The following MUC12 variants were observed in gnomAD, a reference collection of about 807,000 sequenced individuals.
MUC12 encodes the protein mucin 12, cell surface associated.
A neutral mutation model predicts 230.8 loss-of-function variants in MUC12; 172 were observed. That is an observed-to-expected ratio of 0.75 (90% CI 0.66 to 0.85). The LOEUF (loss-of-function observed/expected upper bound fraction) is 0.85. MUC12 is among the 40% of genes least tolerant of loss of function. The pLI is 0.00. For missense variants in MUC12, 3,506 were observed against 5,920.6 expected (o/e 0.59, Z 13.38); for synonymous variants, 1,259 against 2,401.9 (o/e 0.52, Z 13.91).
At position 100,992,850 on chromosome 7, in the gene MUC12, C is replaced by G; in HGVS notation, c.2287C>G (p.Arg763Gly). The change falls in exon 2 of 12, where the codon CGT becomes GGT. Residue 763 changes from arginine (R) to glycine (G), a missense_variant. Transcript: ENST00000536621. ...CCCTGACAGCTCCACAACCTCAGGC[C>G]GTAGTGAGGAATCAACAGCATCGCA... ...HFPDSSTTSG[R>G]SEESTASHSS... The G allele has an allele frequency of 6.5e-7, 1 of 1,537,676 alleles. No homozygotes were observed. Among genetic ancestry groups the G allele is most frequent in the South Asian group, 1.2e-5 (1 of 84,056 alleles).
Position 101,012,876 on chromosome 7 carries a change from G to GATTTGA in MUC12, c.15461_15462insATTTGA (p.Asp5156_Phe5157dup). ...TTCGTGGATTCATCGGTGACTCCGG[G>GATTTGA]CTTTGACTTCCAGGGTAAGCGACTA... On this transcript the variant is annotated inframe_insertion, in exon 7 of 12. Transcript: ENST00000536621. The GATTTGA allele has an allele frequency of 6.5e-7, 1 of 1,537,274 alleles. No homozygotes were observed. The highest frequency in any genetic ancestry group is 8.7e-7 in the Non-Finnish European group (1 of 1,146,920).
chr7:101,012,289 C>T lies in MUC12; in HGVS notation c.15252-7C>T. On this transcript the variant is annotated splice_region_variant and splice_polypyrimidine_tract_variant and intron_variant, in intron 5 of 11. Transcript: ENST00000536621. ...TGGGTAACTGATGAAACGATTCCCACTTCCAGCAACGGTAGCATCGTGGTC... is the reference window on the plus strand; with the variant it reads ...TGGGTAACTGATGAAACGATTCCCATTTCCAGCAACGGTAGCATCGTGGTC... 6.5e-7 allele frequency: 1 copy of T among 1,536,774 alleles called. No homozygotes were observed. Among genetic ancestry groups the T allele is most frequent in the Middle Eastern group, 1.7e-4 (1 of 5,988 alleles).
chr7:101,014,380 T>C (rs1379024572), intron 9 of MUC12: 1 of 247,636 alleles, frequency 4.0e-6, no homozygotes, highest in Non-Finnish European at 7.7e-6. Flanking sequence ...AAGTCCAAGA[T>C]CAAGGGGCTG....
chr7:100,993,346 C>A lies in MUC12; in HGVS notation c.2783C>A (p.Ala928Asp). 1.1e-5 allele frequency: 12 copies of A among 1,088,452 alleles called. 2 individuals are homozygous for A. Among genetic ancestry groups the A allele is most frequent in the Non-Finnish European group, 1.5e-5 (12 of 802,266 alleles). The allele number at this position is 1,088,452 out of a possible 1,614,324, so 67.4% of individuals were successfully genotyped here. Reference protein sequence around the residue: ...DTALSPGSTTALSFGQESTTF... With the variant: ...DTALSPGSTTDLSFGQESTTF... The stretch of plus-strand genomic sequence containing the variant: ...GCACTGTCCCCTGGCAGTACCACAG[C>A]CTTATCCTTTGGTCAAGAATCTACA... Residue 928 changes from alanine to aspartate, a missense_variant, in exon 2 of 12, where the codon GCC becomes GAC. Physicochemically the swap from Ala to Asp is moderately radical, Grantham distance 126. Coordinates refer to ENST00000536621, the MANE Select transcript of MUC12 (RefSeq NM_001164462.2).
Position 100,995,860 on chromosome 7 carries a change from T to C in MUC12, c.5297T>C (p.Val1766Ala). The C allele has an allele frequency of 1.4e-6, 2 of 1,443,384 alleles. No homozygotes were observed. Among genetic ancestry groups the C allele is most frequent in the Non-Finnish European group, 1.9e-6 (2 of 1,078,122 alleles). 89.4% of individuals were successfully genotyped at this position (1,443,384 alleles called of 1,614,324 possible). A position where few individuals can be genotyped will look rare whatever the true frequency, so the allele number is the denominator to read the frequency against. ...GCCCGCTCCACAACCTCAGGCCTCG[T>C]TGAAGAATCTACGGCGTACCACAGC... is the stretch of plus-strand genomic sequence containing the variant. ...SPARSTTSGLVEESTAYHSSP... is the reference protein window; with the variant it reads ...SPARSTTSGLAEESTAYHSSP... The change falls in exon 2 of 12, where the codon GTT (valine) becomes GCT (alanine). Residue 1766 changes from valine to alanine, a missense_variant. Coordinates refer to ENST00000536621, the MANE Select transcript of MUC12 (RefSeq NM_001164462.2).
At chr7:101,011,864 TA>T (rs1243478578) in intron 5 of MUC12, among the ~76,000 whole-genome samples, 4 of 152,248 alleles carry the variant, frequency 2.6e-5, no homozygotes, top group Admixed American at 6.5e-5. Flanking sequence ...GGTACAAATA[TA>T]AATTCAAGAC....
chr7:100,990,524 G>A (rs1411136354), intron 1 of MUC12, 107 bp from the exon 2 acceptor site: 15 of 1,357,842 alleles, frequency 1.1e-5, no homozygotes, highest in South Asian at 2.7e-5. Flanking sequence ...CAATACCATG[G>A]GCTGACCAGG....
intron 1 of MUC12, among the ~76,000 whole-genome samples, chr7:100,989,848 A>G (rs1439649867): frequency 6.6e-6 from 1 of 151,992 alleles, no homozygotes; most frequent in Non-Finnish European, 1.5e-5. Context: ...ACACCACCAC[A>G]CCTGGCTAAT....
chr7:101,009,229 C>T (rs1289023236), intron 5 of MUC12, 70 bp downstream of exon 5: 1 of 1,442,330 alleles, frequency 6.9e-7, no homozygotes, highest in East Asian at 2.5e-5. Context: ...CTGCCTCCTC[C>T]TATCATGAAT....
chr7:101,007,314 C>T (rs768595095), intron 3 of MUC12, among the ~76,000 whole-genome samples: 3 of 152,162 alleles, frequency 2.0e-5, no homozygotes, highest in African/African-American at 2.4e-5. Context: ...GTCACTCTGT[C>T]GTGTTAAATA....
intron 1 of MUC12, among the ~76,000 whole-genome samples, chr7:100,976,170 C>T (rs1563085018): frequency 9.3e-6 from 1 of 106,982 alleles, no homozygotes; most frequent in Admixed American, 9.9e-5. Flanking sequence ...CCCAGCTGCT[C>T]AGGAGGCTGA....
intron 10 of MUC12, 83 bp from the exon 11 acceptor site, chr7:101,017,492 C>A: frequency 1.1e-6 from 1 of 876,974 alleles, no homozygotes; most frequent in Non-Finnish European, 1.8e-6. Flanking sequence ...GCTGACTCTT[C>A]CTTTTGCCAG....
rs530837222 is a variant in MUC12, at chr7:100,991,776, G to A, written c.1213G>A (p.Ala405Thr). ...AAAATCTTCAACTCCTAGCACCACAGCTGCCCTAGCACATACAAGCTACCA... is the reference window on the plus strand; with the variant it reads ...AAAATCTTCAACTCCTAGCACCACAACTGCCCTAGCACATACAAGCTACCA... ...HTKSSTPSTT[A>T]ALAHTSYHSS... The change falls in exon 2 of 12, where the codon GCT (alanine) becomes ACT (threonine). Residue 405 changes from alanine to threonine, a missense_variant. Physicochemically the swap from Ala to Thr is moderately conservative, Grantham distance 58. Transcript: ENST00000536621. The A allele has an allele frequency of 2.0e-6, 3 of 1,537,866 alleles. No individual in the cohort carries two copies. The highest frequency in any genetic ancestry group is 2.6e-6 in the Non-Finnish European group (3 of 1,147,056).
rs2116352574 is a variant in MUC12 at position 101,009,139 on chromosome 7, G to A, written c.15231G>A (p.Gly5077=). The A allele has an allele frequency of 6.5e-7, 1 of 1,537,874 alleles. No homozygotes were observed. Residue 5077 remains glycine, a synonymous_variant, in exon 5 of 12, where the codon GGG becomes GGA. Coordinates refer to ENST00000536621, the MANE Select transcript of MUC12 (RefSeq NM_001164462.2). The stretch of plus-strand genomic sequence containing the variant: ...GCGACAATCTTCCTCAGTATAGAGG[G>A]GTGAACATTCGGAGATTGCTGTGAG... ...LKGDNLPQYR[G]VNIRRLLNGS...
intron 1 of MUC12, among the ~76,000 whole-genome samples, chr7:100,976,042 AG>A (rs148102114): frequency 0.094 from 14,251 of 151,816 alleles, 573 homozygotes; most frequent in Admixed American, 0.24. Context: ...CTGTAATCCC[AG>A]CACTTTGGGA....
At chr7:100,980,566 T>C (rs1258965980) in intron 1 of MUC12, among the ~76,000 whole-genome samples, 1 of 152,224 alleles carries the variant, frequency 6.6e-6, no homozygotes, top group Non-Finnish European at 1.5e-5. Context: ...CATTCTTGTA[T>C]AAATTTTATT....
chr7:100,991,507 C>T lies in MUC12; in HGVS notation c.944C>T (p.Thr315Ile), dbSNP rs775635504. Reference sequence around the variant, plus strand: ...AGCAGCCCGAGCTCAACTCCAACAACCCACTTTTCTGCCAGCTCCACAACC... The same window carrying T: ...AGCAGCCCGAGCTCAACTCCAACAATCCACTTTTCTGCCAGCTCCACAACC... The part of the protein sequence containing the change: ...YHSSPSSTPT[T>I]HFSASSTTLG... The change falls in exon 2 of 12, where the codon ACC becomes ATC. Residue 315 changes from threonine (T) to isoleucine (I), a missense_variant. By Grantham distance (89) the Thr-to-Ile change is moderately conservative. Coordinates refer to ENST00000536621, the MANE Select transcript of MUC12 (RefSeq NM_001164462.2). 243 of 1,537,094 alleles carry T rather than the reference C, an allele frequency of 1.6e-4. No homozygotes were observed. The highest frequency in any genetic ancestry group is 6.9e-4 in the South Asian group (58 of 84,046).
chr7:100,972,781 C>T (rs989994200), intron 1 of MUC12: 2 of 680,678 alleles, frequency 2.9e-6, no homozygotes, highest in Non-Finnish European at 5.4e-6. Flanking sequence ...GCTGGAATGA[C>T]AGGTGCGAGC....
intron 1 of MUC12, chr7:100,973,113 G>T: frequency 3.0e-6 from 2 of 674,272 alleles, no homozygotes; most frequent in Non-Finnish European, 5.4e-6. Flanking sequence ...AACCTCTGTG[G>T]GCTGAGTAGG....
Sources: gnomAD v4.1 joint callset for allele counts (sites outside exome capture counted in the v4.1 genomes callset) on GRCh38, gnomAD v4.1.1 for gene constraint, MANE v1.5 for transcripts, NCBI Gene and HGNC (gene_info 2026-07-23, HGNC 2026-07-21) for gene names.